The following DDX25 variants were observed in gnomAD, a reference collection of about 807,000 sequenced individuals.
DDX25 encodes the protein DEAD-box helicase 25.
A neutral mutation model predicts 64.6 loss-of-function variants in DDX25; 70 were observed. The ratio of observed to expected loss-of-function variants is 1.08; its 90% confidence interval spans 0.89 to 1.32. The LOEUF (loss-of-function observed/expected upper bound fraction) is 1.32, where lower values mean the gene tolerates loss of function less well. DDX25 is among the 40% of genes most tolerant of loss of function. The probability of loss-of-function intolerance (pLI) is 0.00; values close to 1 mark genes in which losing one functional copy is unlikely to be tolerated. For missense variants in DDX25, 587 were observed against 604.4 expected (o/e 0.97, Z 0.30); for synonymous variants, 211 against 213.3 (o/e 0.99, Z 0.09).
At chr11:125,916,932 C>A in intron 8 of DDX25, 82 bp from the exon 9 acceptor site, 1 of 1,342,020 alleles carries the variant, frequency 7.5e-7, no homozygotes. Flanking sequence ...GTGCGTGCAG[C>A]GGCTGATGGC....
At chr11:125,905,107 C>T in intron 1 of DDX25, 105 bp from the exon 2 acceptor site, 1 of 1,012,830 alleles carries the variant, frequency 9.9e-7, no homozygotes. Context: ...GAAGCAATAC[C>T]CGGGTGTCCT....
Position 125,922,938 on chromosome 11 carries a change from G to A in DDX25, c.*57G>A, listed in dbSNP as rs2134286917. On this transcript the variant is annotated 3_prime_UTR_variant, in exon 12 of 12. Coordinates refer to ENST00000263576, the MANE Select transcript of DDX25 (RefSeq NM_013264.5). ...AGTTTATGTGAGAATGTCTCAGTGG[G>A]TTTTGAAGGTAATTTTTTTATGTTG... 1 of 1,484,308 alleles carries A rather than the reference G, an allele frequency of 6.7e-7. No individual in the cohort carries two copies. The highest frequency in any genetic ancestry group is 9.1e-7 in the Non-Finnish European group (1 of 1,097,528). 91.9% of individuals were successfully genotyped at this position (1,484,308 alleles called of 1,614,324 possible). A position where few individuals can be genotyped will look rare whatever the true frequency, so the allele number is the denominator to read the frequency against.
At chr11:125,910,692 A>G (rs1944955032) in intron 7 of DDX25, among the ~76,000 whole-genome samples, 1 of 152,212 alleles carries the variant, frequency 6.6e-6, no homozygotes, top group African/African-American at 2.4e-5. Context: ...TAGCCACATC[A>G]TTTCCACATC....
chr11:125,917,294 A>G (rs1484852124), intron 9 of DDX25, 43 bp downstream of exon 9: 3 of 1,542,450 alleles, frequency 1.9e-6, no homozygotes, highest in Admixed American at 1.9e-5. Flanking sequence ...AGATATGCCT[A>G]CAGGCCGAGG....
chr11:125,920,930 AC>A, intron 10 of DDX25: 1 of 384,782 alleles, frequency 2.6e-6, no homozygotes, highest in East Asian at 4.8e-5. Flanking sequence ...ACACACACAC[AC>A]ACACACACAC....
At position 125,924,017 on chromosome 11, in the gene DDX25, T is replaced by C. The variant is rs550467; in HGVS notation, c.*1136T>C. The C allele has an allele frequency of 0.48, 73,203 of 152,096 alleles. 18,797 individuals are homozygous for C. Among genetic ancestry groups the C allele is most frequent in the South Asian group, 0.64 (3,105 of 4,822 alleles). 9.4% of individuals were successfully genotyped at this position (152,096 alleles called of 1,614,324 possible). ...GCACAGTGGCTCACACCTGTAATCC[T>C]AGCACTTTGGGAGGCCAAGGAGGGC... is the stretch of plus-strand genomic sequence containing the variant. On this transcript the variant is annotated 3_prime_UTR_variant, in exon 12 of 12. Coordinates refer to ENST00000263576, the MANE Select transcript of DDX25 (RefSeq NM_013264.5).
intron 9 of DDX25, 57 bp from the exon 10 acceptor site, chr11:125,918,571 G>T (rs1310623969): frequency 3.9e-6 from 6 of 1,531,628 alleles, no homozygotes; most frequent in East Asian, 2.4e-5. Flanking sequence ...CACAAGCACA[G>T]CTAGGCTGCT....
rs760155949 is a variant in DDX25 at position 125,910,410 on chromosome 11, G to A, written c.554G>A (p.Arg185His). 64 of 1,613,866 alleles carry A rather than the reference G, an allele frequency of 4.0e-5. No homozygotes were observed. Among genetic ancestry groups the A allele is most frequent in the Middle Eastern group, 3.3e-4 (2 of 6,084 alleles). ...PTYELALQTG[R>H]VVEQMGKFCV... ...TATGAATTGGCTCTGCAAACTGGCC[G>A]TGTGGTTGAGCAGATGGGAAAATTC... The change falls in exon 7 of 12, where the codon CGT becomes CAT. Residue 185 changes from arginine to histidine, a missense_variant. Coordinates refer to ENST00000263576, the MANE Select transcript of DDX25 (RefSeq NM_013264.5).
At position 125,925,274 on chromosome 11, in the gene DDX25, G is replaced by T; in HGVS notation, c.*2393G>T. 2.7e-6 allele frequency: 1 copy of T among 369,848 alleles called. No homozygotes were observed. The highest frequency in any genetic ancestry group is 2.0e-5 in the South Asian group (1 of 50,574). The allele number at this position is 369,848 out of a possible 1,614,324, so 22.9% of individuals were successfully genotyped here. ...CTCACAAATGTCCTCAGTAATTTTTGTTTGGCAGCTGTTCCCACAGGTCTG... is the reference window on the plus strand; with the variant it reads ...CTCACAAATGTCCTCAGTAATTTTTTTTTGGCAGCTGTTCCCACAGGTCTG... On this transcript the variant is annotated 3_prime_UTR_variant, in exon 12 of 12. Transcript: ENST00000263576.
At chr11:125,919,720 A>G (rs1300590180) in intron 10 of DDX25, among the ~76,000 whole-genome samples, 1 of 152,126 alleles carries the variant, frequency 6.6e-6, no homozygotes, top group Non-Finnish European at 1.5e-5. Flanking sequence ...GCTCTTGGGA[A>G]AGGTATCCTG....
intron 3 of DDX25, 32 bp from the exon 4 acceptor site, chr11:125,906,042 T>G: frequency 6.6e-7 from 1 of 1,524,982 alleles, no homozygotes; most frequent in Non-Finnish European, 8.8e-7. Flanking sequence ...TCAGGAAGCT[T>G]GATGTCCTCT....
At position 125,925,545 on chromosome 11, in the gene DDX25, G is replaced by A. The variant is rs1565470516; in HGVS notation, c.*2664G>A. 2 of 440,046 alleles carry A rather than the reference G, an allele frequency of 4.5e-6. No homozygotes were observed. Among genetic ancestry groups the A allele is most frequent in the East Asian group, 1.4e-4 (2 of 13,968 alleles). The allele number at this position is 440,046 out of a possible 1,614,324, so 27.3% of individuals were successfully genotyped here. ...CTCTCTCAGTGCCTGCCTGAGGACA[G>A]AGTAGATAGAGAGGCAAGGAAACAC... On this transcript the variant is annotated 3_prime_UTR_variant, in exon 12 of 12. Coordinates refer to ENST00000263576, the MANE Select transcript of DDX25 (RefSeq NM_013264.5).
In DDX25 at chr11:125,923,194, G is replaced by T; in HGVS notation, c.*313G>T. 1 of 232,930 alleles carries T rather than the reference G, an allele frequency of 4.3e-6. No homozygotes were observed. Among genetic ancestry groups the T allele is most frequent in the Non-Finnish European group, 8.3e-6 (1 of 119,832 alleles). The allele number at this position is 232,930 out of a possible 1,614,324, so 14.4% of individuals were successfully genotyped here. A position where few individuals can be genotyped will look rare whatever the true frequency, so the allele number is the denominator to read the frequency against. On this transcript the variant is annotated 3_prime_UTR_variant, in exon 12 of 12. Transcript: ENST00000263576. The stretch of plus-strand genomic sequence containing the variant: ...ACAATCTGAGCAGATCGTGCCTCTT[G>T]GGAGCATCTTACTGTGTCACAAGAG...
intron 10 of DDX25, among the ~76,000 whole-genome samples, chr11:125,920,762 C>T (rs1201740704): frequency 1.3e-5 from 2 of 152,058 alleles, no homozygotes; most frequent in East Asian, 1.9e-4. Flanking sequence ...AAGACCTGAC[C>T]AGGACAGTAG....
At chr11:125,904,047 T>C (rs543910298), upstream of DDX25, among the ~76,000 whole-genome samples, 1 of 152,350 alleles carries the variant, frequency 6.6e-6, no homozygotes, top group South Asian at 2.1e-4. Context: ...ATTCATCAGA[T>C]TTTGTCTCCA....
At chr11:125,908,135 T>A in intron 4 of DDX25, 61 bp from the exon 5 acceptor site, 1 of 1,346,774 alleles carries the variant, frequency 7.4e-7, no homozygotes, top group South Asian at 1.3e-5. Flanking sequence ...CTTTCAGGTA[T>A]GTATTTCTGA....
chr11:125,905,877 A>G (rs1944876848), intron 3 of DDX25, among the ~76,000 whole-genome samples, 197 bp from the exon 4 acceptor site: 1 of 152,240 alleles, frequency 6.6e-6, no homozygotes, highest in Non-Finnish European at 1.5e-5. Context: ...AGGATGGTGA[A>G]GTAACAGAGC....
In DDX25 at chr11:125,925,571, C is replaced by A; in HGVS notation, c.*2690C>A. ...AGTAGATAGAGAGGCAAGGAAACAC[C>A]AGGTGATTTCAGTGCAACTGTGAGC... On this transcript the variant is annotated 3_prime_UTR_variant, in exon 12 of 12. Transcript: ENST00000263576. The A allele has an allele frequency of 2.4e-6, 1 of 416,712 alleles. No homozygotes were observed. The highest frequency in any genetic ancestry group is 1.7e-5 in the South Asian group (1 of 60,070). 25.8% of individuals were successfully genotyped at this position (416,712 alleles called of 1,614,324 possible).
In DDX25 at chr11:125,917,067, C is replaced by CT. The variant is rs1315316454; in HGVS notation, c.855dup (p.Val286CysfsTer6). 1.2e-6 allele frequency: 2 copies of CT among 1,609,448 alleles called. No homozygotes were observed. The highest frequency in any genetic ancestry group is 1.7e-5 in the Admixed American group (1 of 59,446). Reference sequence around the variant, plus strand: ...CTCTTTTCAGCAACCTTTGAGGACTCTGTGTGGCACTTTGCTGAGCGAATC... The same window carrying CT: ...CTCTTTTCAGCAACCTTTGAGGACTCTTGTGTGGCACTTTGCTGAGCGAATC... On this transcript the variant is annotated frameshift_variant, in exon 9 of 12. Coordinates refer to ENST00000263576, the MANE Select transcript of DDX25 (RefSeq NM_013264.5). LOFTEE classifies it high-confidence loss of function.
Sources: gnomAD v4.1 joint callset for allele counts (sites outside exome capture counted in the v4.1 genomes callset) on GRCh38, gnomAD v4.1.1 for gene constraint, MANE v1.5 for transcripts, NCBI Gene and HGNC (gene_info 2026-07-23, HGNC 2026-07-21) for gene names.